The following KPNA1 variants were observed in gnomAD, a reference collection of about 807,000 sequenced individuals.
The protein encoded by KPNA1 is importin subunit alpha-5.
A neutral mutation model predicts 70.5 loss-of-function variants in KPNA1; 10 were observed. The ratio of observed to expected loss-of-function variants is 0.14; its 90% CI spans 0.09 to 0.24. The LOEUF (loss-of-function observed/expected upper bound fraction) is 0.24, where lower values mean the gene tolerates loss of function less well. Among genes scored for constraint, KPNA1 ranks in the 10% least tolerant of loss-of-function variants. The pLI is 1.00. For missense variants in KPNA1, 397 were observed against 637.9 expected, an observed-to-expected ratio of 0.62 and a Z score of 4.07; for synonymous variants, 192 against 221.9, an observed-to-expected ratio of 0.87 and a Z score of 1.20.
intron 1 of KPNA1, among the ~76,000 whole-genome samples, chr3:122,499,460 T>TA (rs1262914045): frequency 1.3e-5 from 2 of 152,054 alleles, no homozygotes; most frequent in East Asian, 1.9e-4. Context: ...TCTTTTTTTT[T>TA]AACAGACAAG....
At chr3:122,455,166 T>C (rs374411866) in intron 5 of KPNA1, among the ~76,000 whole-genome samples, 6 of 152,336 alleles carry the variant, frequency 3.9e-5, no homozygotes, top group African/African-American at 4.8e-5. Context: ...ACTAAATTCA[T>C]TAATCTTTGG....
chr3:122,442,549 T>G (rs559052503), intron 9 of KPNA1, among the ~76,000 whole-genome samples: 1 of 152,196 alleles, frequency 6.6e-6, no homozygotes, highest in Middle Eastern at 3.2e-3. Flanking sequence ...TGAACTAACT[T>G]GAAAATGCAA....
intron 2 of KPNA1, among the ~76,000 whole-genome samples, chr3:122,475,970 C>T (rs1182348944): frequency 6.6e-6 from 1 of 152,060 alleles, no homozygotes; most frequent in Non-Finnish European, 1.5e-5. Flanking sequence ...TCAGAAGTGG[C>T]AAAGGCAGGG....
chr3:122,508,974 G>T (rs376506507), intron 1 of KPNA1, among the ~76,000 whole-genome samples: 1 of 152,102 alleles, frequency 6.6e-6, no homozygotes, highest in South Asian at 2.1e-4. Context: ...GGCTGGACGC[G>T]GTAGCTCACG....
intron 12 of KPNA1, 37 bp from the exon 13 acceptor site, chr3:122,427,753 T>A (rs1333461359): frequency 7.3e-7 from 1 of 1,377,078 alleles, no homozygotes; most frequent in East Asian, 2.4e-5. Flanking sequence ...ACAAAACTTT[T>A]AATTTTGTTA....
chr3:122,509,114 C>T lies in KPNA1; in HGVS notation c.-6+5643G>A, dbSNP rs373758100. 2.6e-5 allele frequency among the ~76,000 whole-genome samples: 4 copies of T among 151,862 alleles called. No individual in the cohort carries two copies. In the East Asian group the frequency reaches 5.8e-4, roughly 22 times the overall value. Reference sequence around the variant, plus strand: ...TACAAAAATTAGCCAGGCGTAGTGGCGGGCCCCTGTAAACCCAGCTACTCG... The same window carrying T: ...TACAAAAATTAGCCAGGCGTAGTGGTGGGCCCCTGTAAACCCAGCTACTCG... On this transcript the variant is annotated intron_variant, in intron 1 of 13. Coordinates refer to ENST00000344337, the MANE Select transcript of KPNA1 (RefSeq NM_002264.4).
chr3:122,438,952 T>G (rs1576284148), intron 10 of KPNA1, among the ~76,000 whole-genome samples: 1 of 152,162 alleles, frequency 6.6e-6, no homozygotes, highest in East Asian at 1.9e-4. Flanking sequence ...TGAAAAATAT[T>G]TGCAACAAAT....
At chr3:122,488,237 G>A (rs542298411) in intron 2 of KPNA1, among the ~76,000 whole-genome samples, 4 of 152,198 alleles carry the variant, frequency 2.6e-5, no homozygotes, top group East Asian at 1.9e-4. Context: ...ATCTTTATCC[G>A]GGACTGGGCA....
intron 2 of KPNA1, among the ~76,000 whole-genome samples, chr3:122,494,781 C>G (rs954031144): frequency 6.6e-6 from 1 of 152,018 alleles, no homozygotes; most frequent in African/African-American, 2.4e-5. Flanking sequence ...CAAGAAGAAA[C>G]AGAATAAAAT....
intron 2 of KPNA1, 32 bp downstream of exon 2, chr3:122,496,405 T>C (rs1489457221): frequency 1.3e-6 from 2 of 1,598,772 alleles, no homozygotes; most frequent in East Asian, 2.3e-5. Context: ...ATTAAATTCT[T>C]TAAAAGAAAT....
chr3:122,452,250 A>G (rs554661909), intron 6 of KPNA1, among the ~76,000 whole-genome samples, 186 bp from the exon 7 acceptor site: 4 of 152,264 alleles, frequency 2.6e-5, no homozygotes, highest in African/African-American at 9.6e-5. Context: ...TTATTAAAGG[A>G]AAGAACTAAT....
In KPNA1 at chr3:122,472,954, G is replaced by A. The variant is rs370600847; in HGVS notation, c.130-5525C>T. On this transcript the variant is annotated intron_variant, in intron 2 of 13. Coordinates refer to ENST00000344337, the MANE Select transcript of KPNA1 (RefSeq NM_002264.4). Reference sequence around the variant, plus strand: ...AAATTAGCCAGGTGTGGTGGCGGGCGCCTGTAATCCCAGCAACTCAGGAGG... The same window carrying A: ...AAATTAGCCAGGTGTGGTGGCGGGCACCTGTAATCCCAGCAACTCAGGAGG... Among the ~76,000 whole-genome samples, 5 of 151,996 alleles carry A rather than the reference G, an allele frequency of 3.3e-5. No individual in the cohort carries two copies. In the East Asian group the frequency reaches 7.7e-4, roughly 24 times the overall value.
At chr3:122,460,909 C>A (rs1376922903) in intron 5 of KPNA1, among the ~76,000 whole-genome samples, 1 of 152,158 alleles carries the variant, frequency 6.6e-6, no homozygotes. Context: ...TCCCTCAACA[C>A]CAAATTTTAT....
chr3:122,463,982 C>G lies in KPNA1; in HGVS notation c.297G>C (p.Gln99His), dbSNP rs2076353936. The stretch of plus-strand genomic sequence containing the variant: ...TCCTGAATTTCTGTGTTGCTGAAAG[C>G]TGTTGCTCTGGGCTTTTGGAAAATA... ...EMIFSKSPEQ[Q>H]LSATQKFRKL... The change falls in exon 4 of 14, where the codon CAG becomes CAC. Residue 99 changes from glutamine to histidine, a missense_variant. Transcript: ENST00000344337. 1.2e-6 allele frequency: 2 copies of G among 1,607,462 alleles called. No homozygotes were observed. The highest frequency in any genetic ancestry group is 2.2e-5 in the South Asian group (2 of 90,410).
chr3:122,502,793 C>A (rs2107505066), intron 1 of KPNA1, among the ~76,000 whole-genome samples: 1 of 152,224 alleles, frequency 6.6e-6, no homozygotes, highest in East Asian at 1.9e-4. Context: ...CAATATGGCA[C>A]AATAATAGTA....
rs114467118 is a variant in KPNA1, at chr3:122,498,829, A to T, written c.-5-2259T>A. Among the ~76,000 whole-genome samples the T allele has an allele frequency of 7.3e-3, 1,112 of 152,340 alleles. 3 individuals carry two copies. Among genetic ancestry groups the T allele is most frequent in the Non-Finnish European group, 0.012 (811 of 68,032 alleles). On this transcript the variant is annotated intron_variant, in intron 1 of 13. Transcript: ENST00000344337. ...TCTGATAAGAGACTGCACTGTCTGT[A>T]GATCAGTTTGGGAAATACCGGCACC...
At chr3:122,462,499 T>C (rs114672660) in intron 4 of KPNA1, among the ~76,000 whole-genome samples, 1,845 of 152,048 alleles carry the variant, frequency 0.012, 42 homozygotes, top group African/African-American at 0.042. Context: ...ATCTGAAATA[T>C]TGGATTCTAG....
At chr3:122,448,461 G>A (rs1469816680) in intron 9 of KPNA1, among the ~76,000 whole-genome samples, 1 of 152,130 alleles carries the variant, frequency 6.6e-6, no homozygotes, top group African/African-American at 2.4e-5. Flanking sequence ...GATGAAGCTG[G>A]AAACGATCAT....
chr3:122,447,791 A>C (rs1033070776), intron 9 of KPNA1, among the ~76,000 whole-genome samples: 4 of 152,200 alleles, frequency 2.6e-5, no homozygotes, highest in African/African-American at 9.6e-5. Flanking sequence ...CTCAGCCCCA[A>C]ATCTCCTTGA....
Sources: allele counts gnomAD v4.1 joint callset (sites outside exome capture counted in the v4.1 genomes callset), GRCh38; gene constraint gnomAD v4.1.1; transcripts MANE v1.5; gene names NCBI Gene and HGNC (gene_info 2026-07-23, HGNC 2026-07-21).